ATP2B4: variants seen among roughly 807,000 people sequenced by gnomAD.
The protein encoded by ATP2B4 is plasma membrane calcium-transporting ATPase 4.
In ATP2B4, 39 loss-of-function variants were observed where a neutral mutation model predicts 110.3. The ratio of observed to expected loss-of-function variants is 0.35; its 90% CI spans 0.27 to 0.46. ATP2B4 has a LOEUF of 0.46. Among genes scored for constraint, ATP2B4 ranks in the 20% least tolerant of loss-of-function variants. The pLI, the probability that ATP2B4 is intolerant of heterozygous loss-of-function variation, is 1.00. For synonymous variants in ATP2B4, 538 were observed against 571.7 expected, an observed-to-expected ratio of 0.94 and a Z score of 0.84; for missense variants, 1,135 against 1,530.9, an observed-to-expected ratio of 0.74 and a Z score of 4.32.
At chr1:203,710,153 G>C (rs533001693) in intron 11 of ATP2B4, among the ~76,000 whole-genome samples, 1 of 152,044 alleles carries the variant, frequency 6.6e-6, no homozygotes, top group Non-Finnish European at 1.5e-5. Context: ...AGAACACGAG[G>C]TCAGGAGTTC....
intron 1 of ATP2B4, among the ~76,000 whole-genome samples, chr1:203,668,008 G>A (rs1664558196): frequency 6.6e-6 from 1 of 152,186 alleles, no homozygotes; most frequent in African/African-American, 2.4e-5. Context: ...AGCATGAGAT[G>A]CCTATGAAAG....
chr1:203,698,621 G>A (rs1213213634), intron 3 of ATP2B4, among the ~76,000 whole-genome samples: 1 of 151,324 alleles, frequency 6.6e-6, no homozygotes, highest in South Asian at 2.1e-4. Context: ...ACCCTTTTAA[G>A]ACATTTTATT....
Position 203,722,681 on chromosome 1 carries a change from A to G in ATP2B4, c.3016A>G (p.Ile1006Val). ...CTGCTCTGTAGTCTTGGGCACATTC[A>G]TCTGCCAGGTGAGATTCTATCTGCA... ...IFCSVVLGTF[I>V]CQIFIVEFGG... Residue 1006 changes from isoleucine to valine, a missense_variant, in exon 18 of 21, where the codon ATC becomes GTC. Ile to Val is a conservative substitution (Grantham distance 29). Around this residue, in one of 9 missense-constraint regions of ATP2B4, gnomAD observed 155 missense variants for 186.2 expected, o/e 0.83. Coordinates refer to ENST00000357681, the MANE Select transcript of ATP2B4 (RefSeq NM_001684.5). 6.2e-7 allele frequency: 1 copy of G among 1,614,114 alleles called. No individual in the cohort carries two copies. The highest frequency in any genetic ancestry group is 8.5e-7 in the Non-Finnish European group (1 of 1,179,936).
chr1:203,692,698 G>A (rs992050490), intron 2 of ATP2B4, among the ~76,000 whole-genome samples: 4 of 152,324 alleles, frequency 2.6e-5, no homozygotes, highest in East Asian at 1.9e-4. Flanking sequence ...GGCTGAGCTG[G>A]TTCTGATAAG....
At chr1:203,684,253 C>T (rs574793930) in intron 2 of ATP2B4, among the ~76,000 whole-genome samples, 1 of 152,000 alleles carries the variant, frequency 6.6e-6, no homozygotes, top group South Asian at 2.1e-4. Context: ...GTGGGTGGCT[C>T]ACATCTCTAA....
chr1:203,647,790 GA>G (rs374178268), intron 1 of ATP2B4, among the ~76,000 whole-genome samples: 5 of 148,468 alleles, frequency 3.4e-5, no homozygotes, highest in East Asian at 2.0e-4. Flanking sequence ...AAATGATTAG[GA>G]AAAAAAAAAG....
intron 2 of ATP2B4, among the ~76,000 whole-genome samples, chr1:203,697,613 T>A (rs1665570516): frequency 6.6e-6 from 1 of 152,232 alleles, no homozygotes; most frequent in Admixed American, 6.5e-5. Flanking sequence ...AGACTGAAAG[T>A]TCCACCCTCT....
At chr1:203,682,071 G>A (rs182226484) in intron 1 of ATP2B4, among the ~76,000 whole-genome samples, 24 of 152,242 alleles carry the variant, frequency 1.6e-4, no homozygotes, top group East Asian at 3.9e-4. Context: ...ACACCTGCAC[G>A]GGCTGCAGAA....
intron 1 of ATP2B4, among the ~76,000 whole-genome samples, chr1:203,679,661 G>T (rs1291215920): frequency 6.6e-6 from 1 of 152,092 alleles, no homozygotes; most frequent in African/African-American, 2.4e-5. Flanking sequence ...GAGGGGGGTG[G>T]ATCACAAGGT....
At chr1:203,722,762 T>C in intron 18 of ATP2B4, 73 bp downstream of exon 18, 1 of 1,422,790 alleles carries the variant, frequency 7.0e-7, no homozygotes, top group Non-Finnish European at 9.7e-7. Flanking sequence ...CAGGGTTCCC[T>C]ACATACCTAG....
intron 20 of ATP2B4, among the ~76,000 whole-genome samples, chr1:203,733,951 T>C (rs1024823921): frequency 6.6e-6 from 1 of 152,242 alleles, no homozygotes. Flanking sequence ...AGTATTAAAC[T>C]TGGTCAATAA....
chr1:203,710,817 AT>A (rs758973736), intron 11 of ATP2B4, 59 bp from the exon 12 acceptor site: 12 of 1,335,680 alleles, frequency 9.0e-6, no homozygotes, highest in Non-Finnish European at 1.3e-5. Flanking sequence ...CCTGTCAATG[AT>A]TGTAGAAACG....
intron 2 of ATP2B4, among the ~76,000 whole-genome samples, chr1:203,691,766 G>C (rs1665382993): frequency 6.6e-6 from 1 of 152,242 alleles, no homozygotes; most frequent in South Asian, 2.1e-4. Context: ...ACTCGGAAGA[G>C]TAGCATTCGG....
chr1:203,686,315 G>A (rs1327394998), intron 2 of ATP2B4, among the ~76,000 whole-genome samples: 1 of 152,034 alleles, frequency 6.6e-6, no homozygotes, highest in Non-Finnish European at 1.5e-5. Context: ...ACAGGAACTC[G>A]GGAGTCCAAA....
chr1:203,679,838 C>T (rs1664945078), intron 1 of ATP2B4, among the ~76,000 whole-genome samples: 4 of 151,852 alleles, frequency 2.6e-5, no homozygotes, highest in Non-Finnish European at 2.9e-5. Context: ...GCTGAGATTG[C>T]GCCACTGCAC....
At chr1:203,709,263 A>C (rs962936702) in intron 10 of ATP2B4, 38 bp from the exon 11 acceptor site, 1 of 1,611,086 alleles carries the variant, frequency 6.2e-7, no homozygotes, top group African/African-American at 1.3e-5. Flanking sequence ...TTGTCAAGGC[A>C]TCTTACTCAA....
Position 203,711,925 on chromosome 1 carries a change from C to T in ATP2B4, c.2032-35C>T, listed in dbSNP as rs565764526. 3.2e-5 allele frequency: 52 copies of T among 1,605,762 alleles called. No individual in the cohort carries two copies. In the East Asian group the frequency reaches 1.0e-3, roughly 32 times the overall value. ...GACAGCTTACCAGGGTCATCACCCT[C>T]ATCTGCGCCTTTCCCCTTTCTTCAC... On this transcript the variant is annotated intron_variant, in intron 12 of 20. Coordinates refer to ENST00000357681, the MANE Select transcript of ATP2B4 (RefSeq NM_001684.5).
At chr1:203,679,451 A>G (rs1269941468) in intron 1 of ATP2B4, among the ~76,000 whole-genome samples, 2 of 152,212 alleles carry the variant, frequency 1.3e-5, no homozygotes, top group Admixed American at 6.5e-5. Flanking sequence ...GATAAGCCTG[A>G]GGCAAACAAA....
chr1:203,672,703 G>T (rs1214728953), intron 1 of ATP2B4, among the ~76,000 whole-genome samples: 1 of 152,122 alleles, frequency 6.6e-6, no homozygotes, highest in Non-Finnish European at 1.5e-5. Flanking sequence ...GCCAAAGTGA[G>T]CAGCGAATGT....
Sources: allele counts gnomAD v4.1 joint callset (sites outside exome capture counted in the v4.1 genomes callset), GRCh38; gene constraint gnomAD v4.1.1; regional missense constraint gnomAD v4.1.1; transcripts MANE v1.5; gene names NCBI Gene and HGNC (gene_info 2026-07-23, HGNC 2026-07-21).